Variants in CHRNA1 observed in about 807,000 individuals in gnomAD.
The protein encoded by CHRNA1 is cholinergic receptor nicotinic alpha 1 subunit.
CHRNA1 carries 35 observed loss-of-function variants against 47.1 expected under a neutral mutation model. The observed-to-expected ratio is 0.74, with a 90% CI of 0.57 to 0.99. The LOEUF is 0.99. Among genes scored for constraint, CHRNA1 ranks in the 50% least tolerant of loss-of-function variants. CHRNA1 has a pLI of 0.00. For synonymous variants in CHRNA1, 229 were observed against 223.6 expected, an observed-to-expected ratio of 1.02 and a Z score of -0.22; for missense variants, 506 against 591.1, an observed-to-expected ratio of 0.86 and a Z score of 1.49.
intron 5 of CHRNA1, 29 bp downstream of exon 5, chr2:174,754,190 C>A: frequency 6.2e-7 from 1 of 1,610,220 alleles, no homozygotes; most frequent in Admixed American, 1.7e-5. Context: ...TTCCTGAAAC[C>A]ACCCTTATCA....
chr2:174,748,963 TA>T (rs1428303425), intron 7 of CHRNA1, 144 bp from the exon 8 acceptor site: 1 of 1,088,668 alleles, frequency 9.2e-7, no homozygotes, highest in East Asian at 2.6e-5. Flanking sequence ...ACAAAAGAAC[TA>T]TACTAGATTT....
At chr2:174,763,581 G>A (rs1684136812) in intron 1 of CHRNA1, among the ~76,000 whole-genome samples, 1 of 152,196 alleles carries the variant, frequency 6.6e-6, no homozygotes, top group African/African-American at 2.4e-5. Context: ...AAACTTTTAT[G>A]TGAAGCAATC....
chr2:174,759,738 A>T, intron 1 of CHRNA1, 105 bp from the exon 2 acceptor site: 1 of 1,448,724 alleles, frequency 6.9e-7, no homozygotes. Context: ...AGTTCCTTCT[A>T]ACAGAAGGCA....
At chr2:174,751,239 C>T (rs1249394089) in intron 6 of CHRNA1, among the ~76,000 whole-genome samples, 1 of 152,164 alleles carries the variant, frequency 6.6e-6, no homozygotes, top group Non-Finnish European at 1.5e-5. Context: ...GCTGGGCAAA[C>T]TTGGCAGCAG....
rs563359145 is a variant in CHRNA1, at chr2:174,749,914, C to T, written c.1002+32G>A. On this transcript the variant is annotated intron_variant, in intron 7 of 8. Coordinates refer to ENST00000348749, the MANE Select transcript of CHRNA1 (RefSeq NM_000079.4). ...AAGGGGAGGCCTGTAGATGTGCCTC[C>T]GTGTGAAGTCTGCAGGGGCCTCCCC... The T allele has an allele frequency of 1.1e-4, 180 of 1,578,104 alleles. 4 individuals carry two copies. In the South Asian group the frequency reaches 1.8e-3, roughly 15 times the overall value.
At chr2:174,753,111 G>A in intron 6 of CHRNA1, 1 of 447,938 alleles carries the variant, frequency 2.2e-6, no homozygotes, top group Non-Finnish European at 4.1e-6. Context: ...GGCAAGACCA[G>A]GATTAGTCAG....
chr2:174,749,817 T>A, intron 7 of CHRNA1, 129 bp downstream of exon 7: 1 of 803,682 alleles, frequency 1.2e-6, no homozygotes, highest in Non-Finnish European at 2.1e-6. Context: ...CTTCCAAAAA[T>A]TCCCTAAAGC....
chr2:174,754,191 AC>A, intron 5 of CHRNA1, 27 bp downstream of exon 5: 1 of 1,610,418 alleles, frequency 6.2e-7, no homozygotes, highest in Non-Finnish European at 8.5e-7. Context: ...TCCTGAAACC[AC>A]CCTTATCATA....
In CHRNA1 at chr2:174,764,136, A is replaced by G. The variant is rs35012039; in HGVS notation, c.43+216T>C. Among the ~76,000 whole-genome samples the G allele has an allele frequency of 0.045, 6,881 of 152,266 alleles. 427 individuals carry two copies. Among genetic ancestry groups the G allele is most frequent in the African/African-American group, 0.14 (5,886 of 41,514 alleles). On this transcript the variant is annotated intron_variant, in intron 1 of 8. Coordinates refer to ENST00000348749, the MANE Select transcript of CHRNA1 (RefSeq NM_000079.4). ...CGTGTCTATCTTGAAGTCTTTGACC[A>G]GGCAGTTTCTATTTTAATTAGATAA...
intron 3 of CHRNA1, among the ~76,000 whole-genome samples, chr2:174,759,025 A>G (rs1302964869): frequency 6.6e-6 from 1 of 152,152 alleles, no homozygotes; most frequent in Non-Finnish European, 1.5e-5. Flanking sequence ...AGCCCTCAGA[A>G]GGAACCAACC....
intron 3 of CHRNA1, chr2:174,758,012 C>A (rs766779978): frequency 6.8e-6 from 11 of 1,614,062 alleles, no homozygotes; most frequent in Middle Eastern, 1.7e-4. Context: ...GCAGATCTAC[C>A]ATGTCACCCT....
chr2:174,754,276 G>A lies in CHRNA1; in HGVS notation c.483C>T (p.Asn161=), dbSNP rs1258746327. 6 of 1,614,166 alleles carry A rather than the reference G, an allele frequency of 3.7e-6. No individual in the cohort carries two copies. The South Asian group carries it at 6.6e-5, about 18-fold the overall frequency. Residue 161 remains asparagine, a synonymous_variant, in exon 5 of 9, where the codon AAC becomes AAT. Transcript: ENST00000348749. ...TCCAGGTGCCCAGCTTCATGCTGCA[G>A]TTCTGTTCATCAAAGGGAAAGTGGG... is the stretch of plus-strand genomic sequence containing the variant. The part of the protein sequence containing the change: ...IVTHFPFDEQ[N]CSMKLGTWTY...
In CHRNA1 at chr2:174,748,734, G is replaced by A. The variant is rs146771663; in HGVS notation, c.1088C>T (p.Thr363Ile). The change falls in exon 8 of 9, where the codon ACA becomes ATA. Residue 363 changes from threonine (T) to isoleucine (I), a missense_variant. Transcript: ENST00000348749. ...AATGTCAGAGATATCAATGTCTTCT[G>A]TAAAAATCTTTTTGTCTTGCTTTTC... is the stretch of plus-strand genomic sequence containing the variant. ...SREKQDKKIF[T>I]EDIDISDISG... The A allele has an allele frequency of 5.6e-6, 9 of 1,614,068 alleles. No homozygotes were observed. Among genetic ancestry groups the A allele is most frequent in the African/African-American group, 5.3e-5 (4 of 74,918 alleles).
intron 4 of CHRNA1, among the ~76,000 whole-genome samples, chr2:174,755,643 C>T (rs1683967916): frequency 6.6e-6 from 1 of 152,128 alleles, no homozygotes; most frequent in Non-Finnish European, 1.5e-5. Flanking sequence ...TGGTCTTGAT[C>T]TCCTGACCTT....
chr2:174,763,091 G>A (rs1382905665), intron 1 of CHRNA1, among the ~76,000 whole-genome samples: 1 of 152,170 alleles, frequency 6.6e-6, no homozygotes, highest in African/African-American at 2.4e-5. Context: ...AATTGAGGAT[G>A]TTGGACTGCC....
At position 174,748,228 on chromosome 2, in the gene CHRNA1, T is replaced by C. The variant is rs1683772569; in HGVS notation, c.1270A>G (p.Met424Val). The change falls in exon 9 of 9, where the codon ATG (methionine) becomes GTG (valine). Residue 424 changes from methionine to valine, a missense_variant. By Grantham distance (21) the Met-to-Val change is conservative. Coordinates refer to ENST00000348749, the MANE Select transcript of CHRNA1 (RefSeq NM_000079.4). ...NAAAEWKYVAMVMDHILLGVF... is the reference protein window; with the variant it reads ...NAAAEWKYVAVVMDHILLGVF... Reference sequence around the variant, plus strand: ...CCGAGGAGTATGTGGTCCATCACCATTGCAACGTACTTCCACTCTGCCGCC... The same window carrying C: ...CCGAGGAGTATGTGGTCCATCACCACTGCAACGTACTTCCACTCTGCCGCC... 1.9e-6 allele frequency: 3 copies of C among 1,614,100 alleles called. No individual in the cohort carries two copies. Among genetic ancestry groups the C allele is most frequent in the Non-Finnish European group, 2.5e-6 (3 of 1,180,026 alleles).
chr2:174,754,072 C>T (rs1448188126), intron 5 of CHRNA1, 147 bp downstream of exon 5: 13 of 791,414 alleles, frequency 1.6e-5, no homozygotes, highest in Middle Eastern at 7.0e-4. Context: ...CCATTTAGTT[C>T]TCCCTTCCCA....
chr2:174,759,929 TACACACACACACACACAC>T (rs5836472), intron 1 of CHRNA1, among the ~76,000 whole-genome samples: 1 of 143,984 alleles, frequency 6.9e-6, no homozygotes, highest in Non-Finnish European at 1.5e-5. Context: ...GTTTGCCAGG[TACACACACACACACACAC>T]ACACACACAC....
Position 174,748,164 on chromosome 2 carries a change from A to G in CHRNA1, c.1334T>C (p.Val445Ala). 1 of 1,614,098 alleles carries G rather than the reference A, an allele frequency of 6.2e-7. No homozygotes were observed. The highest frequency in any genetic ancestry group is 8.5e-7 in the Non-Finnish European group (1 of 1,180,036). Residue 445 changes from valine to alanine, a missense_variant, in exon 9 of 9, where the codon GTG becomes GCG. By Grantham distance (64) the Val-to-Ala change is moderately conservative (BLOSUM62 0). Coordinates refer to ENST00000348749, the MANE Select transcript of CHRNA1 (RefSeq NM_000079.4). Reference sequence around the variant, plus strand: ...TAATTCAATGAGTCGACCTGCAAACACGGCTAGGGTTCCGATGATGCAAAC... The same window carrying G: ...TAATTCAATGAGTCGACCTGCAAACGCGGCTAGGGTTCCGATGATGCAAAC... ...MLVCIIGTLA[V>A]FAGRLIELNQ...
Sources: gnomAD v4.1 joint callset for allele counts (sites outside exome capture counted in the v4.1 genomes callset) on GRCh38, gnomAD v4.1.1 for gene constraint, MANE v1.5 for transcripts, NCBI Gene and HGNC (gene_info 2026-07-23, HGNC 2026-07-21) for gene names.